Variants in STYXL2 observed in about 807,000 individuals in gnomAD.
STYXL2 encodes the protein serine/threonine/tyrosine-interacting-like protein 2.
STYXL2 carries 44 observed loss-of-function variants against 52.4 expected under a neutral mutation model. That is an observed-to-expected ratio of 0.84 (90% CI 0.66 to 1.08). The LOEUF (loss-of-function observed/expected upper bound fraction) is 1.08, where lower values mean the gene tolerates loss of function less well. Ranked by LOEUF, STYXL2 falls within the 50% of genes least tolerant of loss-of-function variation. The probability of loss-of-function intolerance (pLI) is 0.00; values close to 1 mark genes in which losing one functional copy is unlikely to be tolerated. For missense variants in STYXL2, 1,604 were observed against 1,471.7 expected, an observed-to-expected ratio of 1.09 and a Z score of -1.47; for synonymous variants, 604 against 586.9, an observed-to-expected ratio of 1.03 and a Z score of -0.42.
chr1:167,125,456 T>C (rs1376105522), intron 5 of STYXL2, among the ~76,000 whole-genome samples: 28 of 152,228 alleles, frequency 1.8e-4, no homozygotes. Flanking sequence ...GATTCATTTA[T>C]CTTAGCTTCT....
At chr1:167,120,501 A>T (rs932462819) in intron 5 of STYXL2, among the ~76,000 whole-genome samples, 3 of 152,240 alleles carry the variant, frequency 2.0e-5, no homozygotes, top group Non-Finnish European at 4.4e-5. Flanking sequence ...TGCTTTAAAA[A>T]TTATAGCCAT....
At chr1:167,095,053 C>A in intron 2 of STYXL2, 94 bp downstream of exon 2, 1 of 824,478 alleles carries the variant, frequency 1.2e-6, no homozygotes, top group Non-Finnish European at 1.9e-6. Flanking sequence ...GCAGCCATCA[C>A]CTCGGTTCAC....
At chr1:167,096,266 A>G (rs1175934433) in intron 2 of STYXL2, among the ~76,000 whole-genome samples, 1 of 152,164 alleles carries the variant, frequency 6.6e-6, no homozygotes, top group East Asian at 1.9e-4. Context: ...TCAAAAAAAA[A>G]GAAAAGAAAA....
At chr1:167,101,074 C>T (rs1363367087) in intron 2 of STYXL2, among the ~76,000 whole-genome samples, 1 of 152,158 alleles carries the variant, frequency 6.6e-6, no homozygotes, top group Admixed American at 6.5e-5. Context: ...AATTACATAT[C>T]TGATAAAGAA....
At chr1:167,101,275 T>C (rs1260923270) in intron 2 of STYXL2, among the ~76,000 whole-genome samples, 1 of 152,114 alleles carries the variant, frequency 6.6e-6, no homozygotes, top group Non-Finnish European at 1.5e-5. Context: ...CCACAGTGAG[T>C]TACCGTTACA....
At position 167,127,110 on chromosome 1, in the gene STYXL2, C is replaced by G; in HGVS notation, c.1979C>G (p.Ser660Cys). The G allele has an allele frequency of 6.2e-7, 1 of 1,614,036 alleles. No individual in the cohort carries two copies. The highest frequency in any genetic ancestry group is 8.5e-7 in the Non-Finnish European group (1 of 1,179,938). Residue 660 changes from serine (S) to cysteine (C), a missense_variant, in exon 6 of 6, where the codon TCT (serine) becomes TGT (cysteine). Transcript: ENST00000361200. ...ACGGCCAGCGGGAGCATTCCCCTGT[C>G]TGCGTTCTGGTCTGCAGACCCCTCA... Reference protein sequence around the residue: ...SSTASGSIPLSAFWSADPSVS... With the variant: ...SSTASGSIPLCAFWSADPSVS...
intron 4 of STYXL2, among the ~76,000 whole-genome samples, chr1:167,118,191 T>C (rs1025227063): frequency 2.0e-5 from 3 of 152,214 alleles, no homozygotes; most frequent in South Asian, 2.1e-4. Context: ...GTTTTTATAA[T>C]CCAAAAACTA....
chr1:167,099,908 G>C (rs10800283), intron 2 of STYXL2, among the ~76,000 whole-genome samples: 18 of 152,004 alleles, frequency 1.2e-4, no homozygotes, highest in Admixed American at 1.0e-3. Context: ...TAGATAAATA[G>C]AGTCTGGCAT....
At chr1:167,125,751 G>A in intron 5 of STYXL2, 36 bp from the exon 6 acceptor site, 1 of 1,546,174 alleles carries the variant, frequency 6.5e-7, no homozygotes, top group Non-Finnish European at 8.7e-7. Context: ...GGAAGCCACT[G>A]TCATTACATC....
chr1:167,101,041 T>C (rs114616796), intron 2 of STYXL2, among the ~76,000 whole-genome samples: 2 of 152,228 alleles, frequency 1.3e-5, no homozygotes, highest in Admixed American at 1.3e-4. Context: ...ACAGAACCTA[T>C]AGACTTGGAG....
At chr1:167,125,180 C>A (rs1314819682) in intron 5 of STYXL2, among the ~76,000 whole-genome samples, 7 of 152,144 alleles carry the variant, frequency 4.6e-5, no homozygotes, top group Non-Finnish European at 1.5e-5. Context: ...AATGTCAGAG[C>A]AGGAGTACTG....
At chr1:167,103,610 A>G (rs1160070798) in intron 2 of STYXL2, among the ~76,000 whole-genome samples, 1 of 152,192 alleles carries the variant, frequency 6.6e-6, no homozygotes. Context: ...AACTTCAAAC[A>G]CCTTAAATTC....
rs1252254525 is a variant in STYXL2, at chr1:167,112,204, C to T, written c.111-1506C>T. ...CCAGCACAACTGCTATCAGAAAACT[C>T]TCAGATACTATGGATGATGATGCCA... On this transcript the variant is annotated intron_variant, in intron 2 of 5. Transcript: ENST00000361200. 2.0e-5 allele frequency among the ~76,000 whole-genome samples: 3 copies of T among 152,162 alleles called. No individual in the cohort carries two copies. The East Asian group carries it at 5.8e-4, about 29-fold the overall frequency.
At chr1:167,105,886 G>A (rs904105633) in intron 2 of STYXL2, among the ~76,000 whole-genome samples, 1 of 152,182 alleles carries the variant, frequency 6.6e-6, no homozygotes, top group Non-Finnish European at 1.5e-5. Flanking sequence ...GTGGGGCTGA[G>A]GAGGAAATCT....
chr1:167,112,558 G>C (rs767172081), intron 2 of STYXL2, among the ~76,000 whole-genome samples: 2 of 152,156 alleles, frequency 1.3e-5, no homozygotes, highest in Non-Finnish European at 2.9e-5. Context: ...GTCAAAGTCT[G>C]CATTGAGTCT....
chr1:167,120,859 T>C (rs1412989281), intron 5 of STYXL2, among the ~76,000 whole-genome samples: 16 of 16,206 alleles, frequency 9.9e-4, no homozygotes, highest in African/African-American at 6.1e-3. Flanking sequence ...TATATATATA[T>C]ATATATATAT....
rs1403957674 is a variant in STYXL2, at chr1:167,112,773, A to T, written c.111-937A>T. On this transcript the variant is annotated intron_variant, in intron 2 of 5. Transcript: ENST00000361200. ...TTCTCATCGGTAATGCAGGAATAAA[A>T]ATAATACCTAATTTGTGGAGGGTTT... Among the ~76,000 whole-genome samples the T allele has an allele frequency of 2.6e-5, 4 of 152,240 alleles. No homozygotes were observed. In the East Asian group the frequency reaches 7.7e-4, roughly 29 times the overall value.
rs769603572 is a variant in STYXL2, at chr1:167,113,746, T to A, written c.147T>A (p.Ile49=). Residue 49 remains isoleucine (I), a synonymous_variant, in exon 3 of 6, where the codon ATT becomes ATA. Coordinates refer to ENST00000361200, the MANE Select transcript of STYXL2 (RefSeq NM_001080426.3). The part of the protein sequence containing the change: ...SMVSDAETES[I]FMEPIHLSSA... ...TCTCAGATGCAGAAACAGAAAGCAT[T>A]TTCATGGAACCCATTCACCTCTCCT... 1 of 1,614,074 alleles carries A rather than the reference T, an allele frequency of 6.2e-7. No homozygotes were observed.
chr1:167,127,196 T>C lies in STYXL2; in HGVS notation c.2065T>C (p.Ser689Pro). 2.5e-6 allele frequency: 4 copies of C among 1,614,062 alleles called. No individual in the cohort carries two copies. The highest frequency in any genetic ancestry group is 2.5e-6 in the Non-Finnish European group (3 of 1,179,968). ...LSTQSHRSHL[S>P]QAASNIAGCS... is the part of the protein sequence containing the mutation. Reference sequence around the variant, plus strand: ...CACCCAGAGCCACCGCTCCCACCTGTCTCAGGCTGCAAGCAACATAGCGGG... The same window carrying C: ...CACCCAGAGCCACCGCTCCCACCTGCCTCAGGCTGCAAGCAACATAGCGGG... Residue 689 changes from serine (S) to proline (P), a missense_variant, in exon 6 of 6, where the codon TCT (serine) becomes CCT (proline). Physicochemically the swap from Ser to Pro is moderately conservative, Grantham distance 74. Coordinates refer to ENST00000361200, the MANE Select transcript of STYXL2 (RefSeq NM_001080426.3).
Sources: allele counts gnomAD v4.1 joint callset (sites outside exome capture counted in the v4.1 genomes callset), GRCh38; gene constraint gnomAD v4.1.1; transcripts MANE v1.5; gene names NCBI Gene and HGNC (gene_info 2026-07-23, HGNC 2026-07-21).